The following YLPM1 variants were observed in gnomAD, a reference collection of about 807,000 sequenced individuals.
YLPM1 encodes the protein YLP motif-containing protein 1.
In YLPM1, 99 loss-of-function variants were observed where a neutral mutation model predicts 230.0. That is an observed-to-expected ratio of 0.43 (90% CI 0.37 to 0.51). The LOEUF (loss-of-function observed/expected upper bound fraction) is 0.51, where lower values mean the gene tolerates loss of function less well. Ranked by LOEUF, YLPM1 falls within the 20% of genes least tolerant of loss-of-function variation. The pLI is 0.00. For missense variants in YLPM1, 2,592 were observed against 2,707.7 expected (o/e 0.96, Z 0.95); for synonymous variants, 984 against 942.5 (o/e 1.04, Z -0.81).
chr14:74,833,555 A>G (rs747393496), intron 19 of YLPM1, among the ~76,000 whole-genome samples: 3 of 152,188 alleles, frequency 2.0e-5, no homozygotes, highest in South Asian at 2.1e-4. Flanking sequence ...GCCTGGCTGT[A>G]TATATGAATT....
In YLPM1 at chr14:74,801,458, T is replaced by A. The variant is rs1320619200; in HGVS notation, c.4401-1098T>A. ...ATTTTACCTATGTTTAAGGTAGGCA[T>A]TGTGAAAAAAAGTAAAAGGAATTTC... is the stretch of plus-strand genomic sequence containing the variant. On this transcript the variant is annotated intron_variant, in intron 5 of 20. Coordinates refer to ENST00000325680, the MANE Select transcript of YLPM1 (RefSeq NM_019589.3). Among the ~76,000 whole-genome samples the A allele has an allele frequency of 2.0e-5, 3 of 152,150 alleles. No individual in the cohort carries two copies. In the South Asian group the frequency reaches 6.2e-4, roughly 32 times the overall value.
chr14:74,810,251 G>A lies in YLPM1; in HGVS notation c.5059G>A (p.Asp1687Asn). Residue 1687 changes from aspartate (D) to asparagine (N), a missense_variant, in exon 9 of 21, where the codon GAT (aspartate) becomes AAT (asparagine). By Grantham distance (23) the Asp-to-Asn change is conservative (BLOSUM62 1). Around this residue, in one of 4 missense-constraint regions of YLPM1, gnomAD observed 403 missense variants for 426.7 expected, o/e 0.94. Coordinates refer to ENST00000325680, the MANE Select transcript of YLPM1 (RefSeq NM_019589.3). ...TEHAGQRDRY[D>N]RERDREPYFD... ...GCATGCAGGCCAACGTGATCGTTAT[G>A]ATAGAGAAAGAGATCGTGAGCCTTA... The A allele has an allele frequency of 6.2e-7, 1 of 1,613,852 alleles. No homozygotes were observed. The highest frequency in any genetic ancestry group is 8.5e-7 in the Non-Finnish European group (1 of 1,179,852).
chr14:74,798,114 A>C lies in YLPM1; in HGVS notation c.2817A>C (p.Gln939His). 1 of 1,613,972 alleles carries C rather than the reference A, an allele frequency of 6.2e-7. No individual in the cohort carries two copies. Among genetic ancestry groups the C allele is most frequent in the Non-Finnish European group, 8.5e-7 (1 of 1,179,870 alleles). ...TGGAGACTCAAATCGACAAAGCCCAAGCTGTTACTCAGCCTGTACCCCTTG... is the reference window on the plus strand; with the variant it reads ...TGGAGACTCAAATCGACAAAGCCCACGCTGTTACTCAGCCTGTACCCCTTG... ...QSMETQIDKA[Q>H]AVTQPVPLAN... Residue 939 changes from glutamine to histidine, a missense_variant, in exon 5 of 21, where the codon CAA (glutamine) becomes CAC (histidine). Transcript: ENST00000325680.
At chr14:74,773,220 G>A (rs1040514795) in intron 1 of YLPM1, among the ~76,000 whole-genome samples, 5 of 152,110 alleles carry the variant, frequency 3.3e-5, no homozygotes, top group Non-Finnish European at 7.4e-5. Context: ...CTCGGGAGGC[G>A]GAGCTTGCAG....
At chr14:74,828,025 G>A (rs538849232) in intron 18 of YLPM1, 23 of 984,482 alleles carry the variant, frequency 2.3e-5, no homozygotes, top group Non-Finnish European at 2.8e-5. Context: ...TCACTTTTAT[G>A]GGAAGGGGGC....
At chr14:74,778,194 TTATTA>T in intron 1 of YLPM1, among the ~76,000 whole-genome samples, 1 of 152,304 alleles carries the variant, frequency 6.6e-6, no homozygotes, top group Admixed American at 6.5e-5. Flanking sequence ...AGCATGTGTT[TTATTA>T]GAGTACAGAA....
chr14:74,781,688 C>T lies in YLPM1; in HGVS notation c.1645C>T (p.Pro549Ser). Residue 549 changes from proline (P) to serine (S), a missense_variant, in exon 4 of 21, where the codon CCT becomes TCT. Physicochemically the swap from Pro to Ser is moderately conservative, Grantham distance 74. Coordinates refer to ENST00000325680, the MANE Select transcript of YLPM1 (RefSeq NM_019589.3). ...TTCATTGCCACCACCAGTGATGCCC[C>T]CTGCCCTCCCTGCTACAGTGCCACC... is the stretch of plus-strand genomic sequence containing the variant. ...PPSLPPPVMPPALPATVPPPG... is the reference protein window; with the variant it reads ...PPSLPPPVMPSALPATVPPPG... 2 of 1,613,018 alleles carry T rather than the reference C, an allele frequency of 1.2e-6. No individual in the cohort carries two copies.
chr14:74,816,005 A>G (rs2091474985), intron 11 of YLPM1, among the ~76,000 whole-genome samples, 198 bp from the exon 12 acceptor site: 1 of 151,942 alleles, frequency 6.6e-6, no homozygotes, highest in African/African-American at 2.4e-5. Context: ...TTTTCTTACT[A>G]TTAATTTCTA....
chr14:74,781,520 C>A lies in YLPM1; in HGVS notation c.1477C>A (p.Gln493Lys), dbSNP rs776348093. The change falls in exon 4 of 21, where the codon CAG (glutamine) becomes AAG (lysine). Residue 493 changes from glutamine (Q) to lysine (K), a missense_variant. This residue lies in a region of YLPM1 where 1,862 missense variants were observed against 1,819.8 expected (regional missense o/e 1.02). Coordinates refer to ENST00000325680, the MANE Select transcript of YLPM1 (RefSeq NM_019589.3). ...KTWQGHMKATQSYLQEKVNSF... is the reference protein window; with the variant it reads ...KTWQGHMKATKSYLQEKVNSF... ...ATGGCAGGGACATATGAAAGCCACT[C>A]AGAGCTATCTCCAGGAGAAAGTCAA... The A allele has an allele frequency of 6.2e-7, 1 of 1,613,992 alleles. No homozygotes were observed. The highest frequency in any genetic ancestry group is 8.5e-7 in the Non-Finnish European group (1 of 1,179,888).
intron 1 of YLPM1, among the ~76,000 whole-genome samples, chr14:74,775,260 T>G (rs1017719228): frequency 6.6e-6 from 1 of 152,198 alleles, no homozygotes; most frequent in African/African-American, 2.4e-5. Flanking sequence ...CATCCTACTG[T>G]GTGCTCTAGC....
chr14:74,830,702 C>CAATTATGGTGGAAGACAAGGGGGGA (rs1363427241), intron 19 of YLPM1, among the ~76,000 whole-genome samples: 1 of 152,102 alleles, frequency 6.6e-6, no homozygotes, highest in East Asian at 1.9e-4. Context: ...AGAAAGTCTT[C>CAATTATGGTGGAAGACAAGGGGGGA]AATTATGGTG....
chr14:74,770,048 G>T (rs1359096765), intron 1 of YLPM1, among the ~76,000 whole-genome samples: 2 of 151,932 alleles, frequency 1.3e-5, no homozygotes, highest in Non-Finnish European at 2.9e-5. Context: ...CGGGCGTGGT[G>T]GTGGGCGCCT....
Position 74,802,588 on chromosome 14 carries a change from A to G in YLPM1, c.4433A>G (p.Asp1478Gly), listed in dbSNP as rs1432295544. 1.2e-6 allele frequency: 2 copies of G among 1,612,836 alleles called. No individual in the cohort carries two copies. Among genetic ancestry groups the G allele is most frequent in the African/African-American group, 2.7e-5 (2 of 74,864 alleles). Reference sequence around the variant, plus strand: ...AAAGAACAGCTTCAAAAGATGAAAGACTTCGGGTCTGAGCCACAGATGGCT... The same window carrying G: ...AAAGAACAGCTTCAAAAGATGAAAGGCTTCGGGTCTGAGCCACAGATGGCT... The part of the protein sequence containing the change: ...EQKEQLQKMK[D>G]FGSEPQMADH... Residue 1478 changes from aspartate to glycine, a missense_variant, in exon 6 of 21, where the codon GAC (aspartate) becomes GGC (glycine). By Grantham distance (94) the Asp-to-Gly change is moderately conservative. This residue lies in a region of YLPM1 where 403 missense variants were observed against 426.7 expected (regional missense o/e 0.94). Coordinates refer to ENST00000325680, the MANE Select transcript of YLPM1 (RefSeq NM_019589.3).
At chr14:74,796,775 T>C (rs528476900) in intron 4 of YLPM1, among the ~76,000 whole-genome samples, 2 of 151,528 alleles carry the variant, frequency 1.3e-5, no homozygotes, top group South Asian at 4.2e-4. Context: ...TTAACTTTTG[T>C]CAATCAAAAT....
chr14:74,807,214 AATG>A (rs1185455929), intron 6 of YLPM1, among the ~76,000 whole-genome samples: 2 of 152,222 alleles, frequency 1.3e-5, no homozygotes, highest in African/African-American at 2.4e-5. Context: ...ATATATAAAT[AATG>A]TATATTGTGG....
At chr14:74,818,617 CA>C (rs2091497577) in intron 16 of YLPM1, among the ~76,000 whole-genome samples, 1 of 152,112 alleles carries the variant, frequency 6.6e-6, no homozygotes, top group African/African-American at 2.4e-5. Context: ...AGAACAAGTA[CA>C]TTCTCTTTTG....
In YLPM1 at chr14:74,809,773, A is replaced by T; in HGVS notation, c.4915A>T (p.Thr1639Ser). 2 of 1,613,914 alleles carry T rather than the reference A, an allele frequency of 1.2e-6. No homozygotes were observed. Among genetic ancestry groups the T allele is most frequent in the Non-Finnish European group, 1.7e-6 (2 of 1,179,868 alleles). Residue 1639 changes from threonine (T) to serine (S), a missense_variant, in exon 7 of 21, where the codon ACT becomes TCT. By Grantham distance (58) the Thr-to-Ser change is moderately conservative. This residue lies in a region of YLPM1 where 403 missense variants were observed against 426.7 expected (regional missense o/e 0.94). Transcript: ENST00000325680. The stretch of plus-strand genomic sequence containing the variant: ...GTCCAAGCCACCACCAGTACAACAG[A>T]CTGTTGATTATGGCCATGGCCGAGG... Reference protein sequence around the residue: ...PMSKPPPVQQTVDYGHGRDIS... With the variant: ...PMSKPPPVQQSVDYGHGRDIS...
At chr14:74,825,493 T>C (rs956865356) in intron 18 of YLPM1, among the ~76,000 whole-genome samples, 3 of 152,178 alleles carry the variant, frequency 2.0e-5, no homozygotes, top group Non-Finnish European at 4.4e-5. Context: ...TAATAACCAA[T>C]TGTCATCTTC....
intron 6 of YLPM1, among the ~76,000 whole-genome samples, chr14:74,808,718 C>T (rs1439570754): frequency 3.6e-4 from 55 of 151,370 alleles, no homozygotes; most frequent in Admixed American, 3.6e-3. Context: ...GCAGGAGAAT[C>T]ACTTGAACCT....
Sources: allele counts gnomAD v4.1 joint callset (sites outside exome capture counted in the v4.1 genomes callset), GRCh38; gene constraint gnomAD v4.1.1; regional missense constraint gnomAD v4.1.1; transcripts MANE v1.5; gene names NCBI Gene and HGNC (gene_info 2026-07-23, HGNC 2026-07-21).